Variants in MED13L observed in about 807,000 individuals in gnomAD.
MED13L encodes mediator complex subunit 13L, also known as mediator of RNA polymerase II transcription subunit 13-like.
Under a neutral mutation model 220.9 loss-of-function variants are expected in MED13L, and 7 were observed. That is an observed-to-expected ratio of 0.03 (90% confidence interval 0.02 to 0.06). The LOEUF (loss-of-function observed/expected upper bound fraction) is 0.06, where lower values mean the gene tolerates loss of function less well. Among genes scored for constraint, MED13L ranks in the 10% least tolerant of loss-of-function variants. MED13L has a pLI of 1.00. For synonymous variants in MED13L, 1,011 were observed against 1,015.2 expected (o/e 1.00, Z 0.08); for missense variants, 1,965 against 2,760.5 (o/e 0.71, Z 6.46).
At chr12:116,018,877 A>G (rs1282331175) in intron 7 of MED13L, among the ~76,000 whole-genome samples, 1 of 150,204 alleles carries the variant, frequency 6.7e-6, no homozygotes, top group Admixed American at 6.7e-5. Flanking sequence ...CTGATTTAGT[A>G]TTCTTCAGTT....
intron 23 of MED13L, among the ~76,000 whole-genome samples, chr12:115,977,137 A>AG (rs1876994208): frequency 6.6e-6 from 1 of 152,196 alleles, no homozygotes; most frequent in African/African-American, 2.4e-5. Context: ...TGGGCGACAG[A>AG]GTAAGACCCT....
intron 4 of MED13L, among the ~76,000 whole-genome samples, chr12:116,030,920 C>T (rs1323499856): frequency 2.0e-5 from 3 of 152,184 alleles, no homozygotes; most frequent in Non-Finnish European, 2.9e-5. Context: ...CAACCCATTT[C>T]TCTTATTCAA....
rs1385000976 is a variant in MED13L at position 115,980,775 on chromosome 12, A to G, written c.5339T>C (p.Ile1780Thr). Residue 1780 changes from isoleucine to threonine, a missense_variant, in exon 23 of 31, where the codon ATT (isoleucine) becomes ACT (threonine). By Grantham distance (89) the Ile-to-Thr change is moderately conservative. Around this residue, in one of 10 missense-constraint regions of MED13L, gnomAD observed 510 missense variants for 620.4 expected, o/e 0.82. Coordinates refer to ENST00000281928, the MANE Select transcript of MED13L (RefSeq NM_015335.5). ...CTCAGGGTTCTTGAGGGTCATCTCAATGCTGGCTGCAGGCCCAAATCCCGT... is the reference window on the plus strand; with the variant it reads ...CTCAGGGTTCTTGAGGGTCATCTCAGTGCTGGCTGCAGGCCCAAATCCCGT... ...SLTGFGPAAS[I>T]EMTLKNPERP... 11 of 1,614,084 alleles carry G rather than the reference A, an allele frequency of 6.8e-6. No individual in the cohort carries two copies. Among genetic ancestry groups the G allele is most frequent in the South Asian group, 1.1e-5 (1 of 91,086 alleles).
chr12:116,145,057 T>C (rs1877365077), intron 2 of MED13L, among the ~76,000 whole-genome samples: 1 of 152,240 alleles, frequency 6.6e-6, no homozygotes, highest in South Asian at 2.1e-4. Context: ...TTTCTTCATA[T>C]GGCCATTTAA....
intron 4 of MED13L, among the ~76,000 whole-genome samples, chr12:116,047,478 T>C (rs1425124206): frequency 6.6e-6 from 1 of 152,256 alleles, no homozygotes. Flanking sequence ...TGGGTTTTCT[T>C]TATCCAATAT....
chr12:116,003,775 C>A (rs1031572517), intron 13 of MED13L, among the ~76,000 whole-genome samples: 8 of 152,090 alleles, frequency 5.3e-5, no homozygotes, highest in Admixed American at 5.2e-4. Flanking sequence ...TATACTTATA[C>A]AATGTCACAA....
At chr12:116,086,389 T>A (rs920567172) in intron 4 of MED13L, among the ~76,000 whole-genome samples, 2 of 151,912 alleles carry the variant, frequency 1.3e-5, no homozygotes, top group African/African-American at 2.4e-5. Flanking sequence ...GTTCAAGCGA[T>A]TCTCCTGCCT....
rs189230266 is a variant in MED13L, at chr12:116,062,486, G to C, written c.479+34183C>G. ...GAATAGTGTCTCTCTCTCTCTCTCT[G>C]TGTTTTTTTTTTTTTTTTTTGAGAT... On this transcript the variant is annotated intron_variant, in intron 4 of 30. Transcript: ENST00000281928. 4.5e-3 allele frequency among the ~76,000 whole-genome samples: 502 copies of C among 110,472 alleles called. 2 individuals carry two copies. The highest frequency in any genetic ancestry group is 0.015 in the African/African-American group (443 of 29,514). The allele number at this position is 110,472 out of a possible 152,430, so 72.5% of individuals were successfully genotyped here. A position where few individuals can be genotyped will look rare whatever the true frequency, so the allele number is the denominator to read the frequency against.
chr12:116,013,489 A>G (rs547409571), intron 8 of MED13L, among the ~76,000 whole-genome samples: 1 of 152,336 alleles, frequency 6.6e-6, no homozygotes, highest in African/African-American at 2.4e-5. Flanking sequence ...CTTTGTGCTT[A>G]GACTTAAGTC....
chr12:116,052,272 G>A (rs1042781517), intron 4 of MED13L, among the ~76,000 whole-genome samples: 2 of 152,174 alleles, frequency 1.3e-5, no homozygotes, highest in African/African-American at 4.8e-5. Flanking sequence ...ACACAGGATA[G>A]AGAAACAGAA....
intron 4 of MED13L, among the ~76,000 whole-genome samples, chr12:116,086,852 T>C (rs1871740163): frequency 6.6e-6 from 1 of 152,214 alleles, no homozygotes; most frequent in Non-Finnish European, 1.5e-5. Context: ...ACAATGCTAG[T>C]AAACACCATA....
At chr12:116,179,308 A>G (rs557823734) in intron 2 of MED13L, among the ~76,000 whole-genome samples, 1 of 151,894 alleles carries the variant, frequency 6.6e-6, no homozygotes, top group Admixed American at 6.6e-5. Flanking sequence ...TCCTTAATTT[A>G]TGTTACAATA....
chr12:116,107,851 G>C (rs1873711287), intron 3 of MED13L, among the ~76,000 whole-genome samples: 2 of 152,142 alleles, frequency 1.3e-5, no homozygotes, highest in Admixed American at 6.5e-5. Context: ...CAACTCTTTG[G>C]GAGGCCAAGG....
chr12:115,977,599 C>T (rs966259012), intron 23 of MED13L, among the ~76,000 whole-genome samples: 7 of 152,102 alleles, frequency 4.6e-5, no homozygotes, highest in South Asian at 2.1e-4. Flanking sequence ...TACAGCCATA[C>T]GATGAAGTAT....
At chr12:116,020,886 T>A (rs1880021138) in intron 5 of MED13L, among the ~76,000 whole-genome samples, 2 of 152,182 alleles carry the variant, frequency 1.3e-5, no homozygotes, top group South Asian at 4.2e-4. Flanking sequence ...TTTTTTTTAA[T>A]TTTTTTAAAG....
chr12:116,155,160 A>G (rs921948487), intron 2 of MED13L, among the ~76,000 whole-genome samples: 3 of 152,202 alleles, frequency 2.0e-5, no homozygotes, highest in Admixed American at 6.5e-5. Flanking sequence ...ACAGGGGCTC[A>G]TGCCTGTAAT....
At chr12:116,068,719 C>T (rs1870141237) in intron 4 of MED13L, among the ~76,000 whole-genome samples, 1 of 152,108 alleles carries the variant, frequency 6.6e-6, no homozygotes, top group Non-Finnish European at 1.5e-5. Context: ...TAAATTTGAA[C>T]TTTTAATTTA....
chr12:116,116,999 T>C (rs1404900764), intron 2 of MED13L, among the ~76,000 whole-genome samples: 3 of 151,700 alleles, frequency 2.0e-5, no homozygotes, highest in Middle Eastern at 3.2e-3. Context: ...CAAAACAAAC[T>C]ACAGCAAATG....
At chr12:116,067,488 A>G (rs1031018590) in intron 4 of MED13L, among the ~76,000 whole-genome samples, 2 of 152,234 alleles carry the variant, frequency 1.3e-5, no homozygotes, top group Non-Finnish European at 2.9e-5. Context: ...ATAAAATGGT[A>G]GATGTTAGAT....
Sources: allele counts gnomAD v4.1 joint callset (sites outside exome capture counted in the v4.1 genomes callset), GRCh38; gene constraint gnomAD v4.1.1; regional missense constraint gnomAD v4.1.1; transcripts MANE v1.5; gene names NCBI Gene and HGNC (gene_info 2026-07-23, HGNC 2026-07-21).